The following MARCHF1 variants were observed in gnomAD, a reference collection of about 807,000 sequenced individuals.
MARCHF1 encodes the protein E3 ubiquitin-protein ligase MARCHF1.
MARCHF1 carries 40 observed loss-of-function variants against 54.2 expected under a neutral mutation model. That is an observed-to-expected ratio of 0.74 (90% CI 0.57 to 0.96). MARCHF1 has a LOEUF of 0.96. Ranked by LOEUF, MARCHF1 falls within the 40% of genes least tolerant of loss-of-function variation. The pLI is 0.00. For missense variants in MARCHF1, 586 were observed against 656.5 expected (o/e 0.89, Z 1.17); for synonymous variants, 236 against 236.3 (o/e 1.00, Z 0.01).
intron 5 of MARCHF1, among the ~76,000 whole-genome samples, chr4:163,676,608 T>C (rs1255730123): frequency 6.6e-6 from 1 of 152,008 alleles, no homozygotes; most frequent in South Asian, 2.1e-4. Context: ...ATTAAAAAAT[T>C]GGCAGGGCAT....
At chr4:164,284,836 T>C (rs1579688778) in intron 1 of MARCHF1, among the ~76,000 whole-genome samples, 1 of 151,170 alleles carries the variant, frequency 6.6e-6, no homozygotes. Context: ...ATATTTTCGA[T>C]ACAACATGAA....
intron 9 of MARCHF1, among the ~76,000 whole-genome samples, chr4:163,531,131 G>A (rs1738335051): frequency 6.6e-6 from 1 of 151,408 alleles, no homozygotes; most frequent in African/African-American, 2.4e-5. Flanking sequence ...CTAACTAATC[G>A]GGTGAGACTA....
chr4:164,343,617 A>G (rs1729989413), intron 1 of MARCHF1, among the ~76,000 whole-genome samples: 1 of 152,222 alleles, frequency 6.6e-6, no homozygotes, highest in Non-Finnish European at 1.5e-5. Context: ...TAACAACCAT[A>G]TGAAAAATTG....
At chr4:164,047,421 C>T (rs182066047) in intron 2 of MARCHF1, among the ~76,000 whole-genome samples, 179 of 152,252 alleles carry the variant, frequency 1.2e-3, no homozygotes, top group African/African-American at 3.9e-3. Context: ...AGCAGAGAAA[C>T]CAGCCAAATC....
chr4:163,703,969 G>C (rs903809389), intron 4 of MARCHF1, among the ~76,000 whole-genome samples: 1 of 151,924 alleles, frequency 6.6e-6, no homozygotes, highest in African/African-American at 2.4e-5. Flanking sequence ...TCTAAGGAAA[G>C]TGACACAGTT....
intron 1 of MARCHF1, among the ~76,000 whole-genome samples, chr4:164,233,970 T>C (rs902216887): frequency 5.9e-5 from 9 of 152,182 alleles, no homozygotes; most frequent in African/African-American, 2.2e-4. Context: ...ATGAGTATTA[T>C]CAATTAAAGT....
chr4:164,267,303 G>C (rs1214925427), intron 1 of MARCHF1, among the ~76,000 whole-genome samples: 1 of 152,116 alleles, frequency 6.6e-6, no homozygotes, highest in Admixed American at 6.6e-5. Context: ...CTGGTCCCAG[G>C]TACTTGTTTC....
intron 1 of MARCHF1, among the ~76,000 whole-genome samples, chr4:164,312,568 C>T (rs1405836432): frequency 6.6e-6 from 1 of 151,842 alleles, no homozygotes; most frequent in Non-Finnish European, 1.5e-5. Context: ...GTGATCTGCC[C>T]GCCTCAGCCT....
At chr4:164,074,351 A>G (rs1442840441) in intron 2 of MARCHF1, among the ~76,000 whole-genome samples, 1 of 152,176 alleles carries the variant, frequency 6.6e-6, no homozygotes, top group Non-Finnish European at 1.5e-5. Context: ...GTTTGCTCTC[A>G]TTCAAGTGGT....
At chr4:164,188,750 A>T in intron 1 of MARCHF1, 1 of 978,296 alleles carries the variant, frequency 1.0e-6, no homozygotes, top group Non-Finnish European at 1.7e-6. Context: ...AAAGAAAACT[A>T]AACCATACGT....
At chr4:164,266,101 C>T (rs1198412127) in intron 1 of MARCHF1, among the ~76,000 whole-genome samples, 8 of 152,034 alleles carry the variant, frequency 5.3e-5, no homozygotes, top group South Asian at 4.1e-4. Context: ...AATAAATGAA[C>T]AAGTGAATAA....
intron 4 of MARCHF1, among the ~76,000 whole-genome samples, chr4:163,770,848 A>T (rs1747137642): frequency 6.6e-6 from 1 of 152,222 alleles, no homozygotes; most frequent in Admixed American, 6.5e-5. Flanking sequence ...TCAGACAGTT[A>T]TGATCTTTTA....
chr4:163,612,317 G>C lies in MARCHF1; in HGVS notation c.964C>G (p.Pro322Ala), dbSNP rs758065921. The C allele has an allele frequency of 1.3e-6, 2 of 1,525,324 alleles. No homozygotes were observed. The highest frequency in any genetic ancestry group is 1.2e-5 in the South Asian group (1 of 82,060). The allele number at this position is 1,525,324 out of a possible 1,614,324, so 94.5% of individuals were successfully genotyped here. Residue 322 changes from proline (P) to alanine (A), a missense_variant, in exon 7 of 10, where the codon CCT (proline) becomes GCT (alanine). Physicochemically the swap from Pro to Ala is conservative, Grantham distance 27 (BLOSUM62 -1). Around this residue, in one of 3 missense-constraint regions of MARCHF1, gnomAD observed 387 missense variants for 394.6 expected, o/e 0.98. Transcript: ENST00000514618. ...GACCCATCGTCATAGGTGGCAGGAG[G>C]CTTCTGAACAGGGTTATTCACCTGG... ...GLQVNNPVQK[P>A]PATYDDGSDN...
intron 1 of MARCHF1, among the ~76,000 whole-genome samples, chr4:164,242,654 A>C (rs1391332460): frequency 6.6e-6 from 1 of 151,694 alleles, no homozygotes; most frequent in East Asian, 1.9e-4. Flanking sequence ...CTGTGAGAAG[A>C]AGGTTTCAGA....
intron 1 of MARCHF1, among the ~76,000 whole-genome samples, chr4:164,159,005 T>C (rs888530010): frequency 1.3e-5 from 2 of 152,184 alleles, no homozygotes; most frequent in Non-Finnish European, 1.5e-5. Flanking sequence ...CAAGGTTTAG[T>C]GTGCTTGAGA....
intron 3 of MARCHF1, among the ~76,000 whole-genome samples, chr4:163,946,813 C>T (rs1752035553): frequency 6.6e-6 from 1 of 152,160 alleles, no homozygotes; most frequent in African/African-American, 2.4e-5. Flanking sequence ...TTCAATTTCC[C>T]ATTATCTATT....
chr4:163,543,254 G>A (rs1738779286), intron 9 of MARCHF1, among the ~76,000 whole-genome samples: 1 of 152,068 alleles, frequency 6.6e-6, no homozygotes, highest in South Asian at 2.1e-4. Flanking sequence ...CAGTTTTCAA[G>A]TTAAAAATAT....
chr4:163,610,492 AG>A (rs558012884), intron 7 of MARCHF1, among the ~76,000 whole-genome samples: 16 of 152,030 alleles, frequency 1.1e-4, no homozygotes, highest in Non-Finnish European at 1.9e-4. Context: ...TTTAATTGCA[AG>A]CATTATTTTT....
At chr4:163,806,861 T>C (rs915201617) in intron 4 of MARCHF1, among the ~76,000 whole-genome samples, 3 of 152,040 alleles carry the variant, frequency 2.0e-5, no homozygotes, top group African/African-American at 2.4e-5. Flanking sequence ...TAATGAAACA[T>C]TGCTCAACCA....
Sources: allele counts gnomAD v4.1 joint callset (sites outside exome capture counted in the v4.1 genomes callset), GRCh38; gene constraint gnomAD v4.1.1; regional missense constraint gnomAD v4.1.1; transcripts MANE v1.5; gene names NCBI Gene and HGNC (gene_info 2026-07-23, HGNC 2026-07-21).